Variants in OLFM2 observed in about 807,000 individuals in gnomAD.
The protein encoded by OLFM2 is olfactomedin 2.
OLFM2 carries 20 observed loss-of-function variants against 43.9 expected under a neutral mutation model. The ratio of observed to expected loss-of-function variants is 0.46; its 90% CI spans 0.32 to 0.66. OLFM2 has a LOEUF of 0.66. Ranked by LOEUF, OLFM2 falls within the 30% of genes least tolerant of loss-of-function variation. The pLI, the probability that OLFM2 is intolerant of heterozygous loss-of-function variation, is 0.04. For synonymous variants in OLFM2, 268 were observed against 278.6 expected (o/e 0.96, Z 0.38); for missense variants, 416 against 643.6 (o/e 0.65, Z 3.83).
chr19:9,873,310 C>A (rs764609497), intron 1 of OLFM2, among the ~76,000 whole-genome samples: 13 of 152,106 alleles, frequency 8.5e-5, no homozygotes, highest in Non-Finnish European at 1.8e-4. Flanking sequence ...CACACCACCA[C>A]GCCAGGCTAA....
chr19:9,901,732 C>T (rs1259637191), intron 1 of OLFM2, among the ~76,000 whole-genome samples: 1 of 152,184 alleles, frequency 6.6e-6, no homozygotes, highest in Non-Finnish European at 1.5e-5. Flanking sequence ...AGGGATTCTG[C>T]AACCAGATGT....
intron 1 of OLFM2, among the ~76,000 whole-genome samples, chr19:9,883,540 A>G (rs897586613): frequency 9.9e-5 from 15 of 152,226 alleles, no homozygotes; most frequent in African/African-American, 3.4e-4. Context: ...TGCCGGAGAG[A>G]GGCCCGTGGC....
At chr19:9,913,620 C>A in intron 1 of OLFM2, 2 of 1,294,016 alleles carry the variant, frequency 1.5e-6, no homozygotes, top group East Asian at 3.8e-5. Context: ...ACCGACATCG[C>A]GCCTCCGCCT....
intron 2 of OLFM2, 158 bp from the exon 3 acceptor site, chr19:9,858,019 G>A (rs1021139913): frequency 4.0e-5 from 35 of 870,596 alleles, no homozygotes; most frequent in Non-Finnish European, 5.7e-5. Flanking sequence ...TCCCAATTGC[G>A]TGCCCAATCC....
chr19:9,893,831 T>C (rs1014038983), intron 1 of OLFM2, among the ~76,000 whole-genome samples: 1 of 152,178 alleles, frequency 6.6e-6, no homozygotes, highest in Admixed American at 6.6e-5. Flanking sequence ...CCAGGGTTTC[T>C]TGATGAGCTA....
chr19:9,857,634 A>C lies in OLFM2; in HGVS notation c.360+81T>G. The C allele has an allele frequency of 6.3e-7, 1 of 1,599,646 alleles. No individual in the cohort carries two copies. Among genetic ancestry groups the C allele is most frequent in the Non-Finnish European group, 8.6e-7 (1 of 1,167,796 alleles). On this transcript the variant is annotated intron_variant, in intron 3 of 5. Transcript: ENST00000264833. The surrounding 1 kb of genome is among the most constrained non-coding windows in gnomAD (Gnocchi z 5.7). ...ATATTGGACCCTAGATTCTTCCCAG[A>C]CATGACTCCATTGTAGGAACTAATG...
At chr19:9,915,148 T>G (rs1292539342) in intron 1 of OLFM2, among the ~76,000 whole-genome samples, 1 of 152,112 alleles carries the variant, frequency 6.6e-6, no homozygotes, top group Non-Finnish European at 1.5e-5. Flanking sequence ...ATCAGGTAAT[T>G]TACTGAGCAT....
intron 1 of OLFM2, among the ~76,000 whole-genome samples, chr19:9,905,136 A>G: frequency 6.6e-6 from 1 of 152,148 alleles, no homozygotes; most frequent in South Asian, 2.1e-4. Context: ...AGCTTGGCCA[A>G]TATGTTGAAA....
intron 2 of OLFM2, among the ~76,000 whole-genome samples, chr19:9,858,936 G>A (rs1364251517): frequency 6.6e-6 from 1 of 151,732 alleles, no homozygotes; most frequent in African/African-American, 2.4e-5. Flanking sequence ...CCTGGCTAAG[G>A]TAGACCCTCA....
At chr19:9,934,983 C>T (rs1355519952) in intron 1 of OLFM2, among the ~76,000 whole-genome samples, 1 of 152,172 alleles carries the variant, frequency 6.6e-6, no homozygotes, top group African/African-American at 2.4e-5. Flanking sequence ...GGACGCTGTC[C>T]ACACCCATGG....
chr19:9,856,834 G>A lies in OLFM2; in HGVS notation c.660C>T (p.Asp220=). 6.2e-7 allele frequency: 1 copy of A among 1,613,740 alleles called. No individual in the cohort carries two copies. Among genetic ancestry groups the A allele is most frequent in the Non-Finnish European group, 8.5e-7 (1 of 1,179,868 alleles). The change falls in exon 5 of 6, where the codon GAC becomes GAT. Residue 220 remains aspartate, a synonymous_variant. Transcript: ENST00000264833. The surrounding 1 kb of genome is among the most constrained non-coding windows in gnomAD (Gnocchi z 4.0). ...GGCTATCCGCACTGGGGGCCATCGTGTCAGTCATCCAGGAGCCGAAGCGGG... is the reference window on the plus strand; with the variant it reads ...GGCTATCCGCACTGGGGGCCATCGTATCAGTCATCCAGGAGCCGAAGCGGG... ...MGSRFGSWMT[D]TMAPSADSRV... is the part of the protein sequence containing the mutation.
intron 1 of OLFM2, among the ~76,000 whole-genome samples, chr19:9,898,519 C>CA (rs990262776): frequency 9.4e-4 from 130 of 137,670 alleles, no homozygotes; most frequent in Middle Eastern, 3.6e-3. Context: ...GACTCCGTCT[C>CA]AAAAAAAAAA....
intron 1 of OLFM2, among the ~76,000 whole-genome samples, chr19:9,885,330 G>A (rs1032150120): frequency 6.6e-6 from 1 of 152,192 alleles, no homozygotes; most frequent in African/African-American, 2.4e-5. Flanking sequence ...CCAGTGCCAA[G>A]TTGGCCTGGT....
chr19:9,874,629 C>T (rs2046470654), intron 1 of OLFM2, among the ~76,000 whole-genome samples: 1 of 152,040 alleles, frequency 6.6e-6, no homozygotes, highest in Admixed American at 6.6e-5. Context: ...TACAGGTGTG[C>T]ACCACCATGC....
At chr19:9,894,222 A>G (rs8102297) in intron 1 of OLFM2, among the ~76,000 whole-genome samples, 78,243 of 150,214 alleles carry the variant, frequency 0.52, 20,791 homozygotes, top group Admixed American at 0.61. Context: ...GAACCCGGGA[A>G]GGGGAGGTTG....
chr19:9,904,204 G>T (rs2046765799), intron 1 of OLFM2, among the ~76,000 whole-genome samples: 1 of 135,942 alleles, frequency 7.4e-6, no homozygotes, highest in Non-Finnish European at 1.6e-5. Context: ...GTGTGTGTGT[G>T]TTTTGAGATG....
At chr19:9,902,768 C>A (rs1027353088) in intron 1 of OLFM2, among the ~76,000 whole-genome samples, 1 of 152,046 alleles carries the variant, frequency 6.6e-6, no homozygotes, top group Admixed American at 6.6e-5. Flanking sequence ...AGTGCTGGTG[C>A]GATCATAGCT....
At chr19:9,907,896 T>G (rs1045433935) in intron 1 of OLFM2, among the ~76,000 whole-genome samples, 7 of 151,816 alleles carry the variant, frequency 4.6e-5, no homozygotes, top group African/African-American at 1.7e-4. Flanking sequence ...TCCTAGCTAC[T>G]TGGGAGGCTG....
At chr19:9,907,263 T>C (rs1358178271) in intron 1 of OLFM2, among the ~76,000 whole-genome samples, 1 of 152,110 alleles carries the variant, frequency 6.6e-6, no homozygotes, top group Admixed American at 6.5e-5. Context: ...GAGACCAGCC[T>C]GGCTAACATG....
Sources: allele counts gnomAD v4.1 joint callset (sites outside exome capture counted in the v4.1 genomes callset), GRCh38; gene constraint gnomAD v4.1.1; non-coding constraint Gnocchi (gnomAD v3.1); transcripts MANE v1.5; gene names NCBI Gene and HGNC (gene_info 2026-07-23, HGNC 2026-07-21).